Variants in OSBPL10 observed in about 807,000 individuals in gnomAD.
OSBPL10 encodes the protein oxysterol binding protein like 10.
Under a neutral mutation model 81.7 loss-of-function variants are expected in OSBPL10, and 49 were observed. The observed-to-expected ratio is 0.60, with a 90% CI of 0.48 to 0.76. The LOEUF (loss-of-function observed/expected upper bound fraction) is 0.76, where lower values mean the gene tolerates loss of function less well. Ranked by LOEUF, OSBPL10 falls within the 30% of genes least tolerant of loss-of-function variation. The probability of loss-of-function intolerance (pLI) is 0.00; values close to 1 mark genes in which losing one functional copy is unlikely to be tolerated. For missense variants in OSBPL10, 923 were observed against 987.8 expected (o/e 0.93, Z 0.88); for synonymous variants, 419 against 383.6 (o/e 1.09, Z -1.08).
intron 1 of OSBPL10, among the ~76,000 whole-genome samples, chr3:31,971,205 A>G (rs1698558546): frequency 7.1e-6 from 1 of 141,586 alleles, no homozygotes; most frequent in South Asian, 2.2e-4. Flanking sequence ...CAGTGGCACA[A>G]TCTTGGCTCA....
chr3:31,945,027 T>C (rs1460461864), intron 1 of OSBPL10, among the ~76,000 whole-genome samples: 1 of 151,222 alleles, frequency 6.6e-6, no homozygotes, highest in Non-Finnish European at 1.5e-5. Context: ...GGCACACATG[T>C]GTAGTCCCAG....
rs536893566 is a variant in OSBPL10 at position 31,873,428 on chromosome 3, G to A, written c.537+3005C>T. Among the ~76,000 whole-genome samples the A allele has an allele frequency of 1.2e-4, 19 of 152,236 alleles. No homozygotes were observed. The East Asian group carries it at 3.7e-3, about 29-fold the overall frequency. ...CTTCATCAGGTAGTGACTAAGGCAG[G>A]TCTGGGTTTTGAAACCACAGGCTGG... is the stretch of plus-strand genomic sequence containing the variant. On this transcript the variant is annotated intron_variant, in intron 3 of 11. Coordinates refer to ENST00000396556, the MANE Select transcript of OSBPL10 (RefSeq NM_017784.5).
In OSBPL10 at chr3:31,737,260, T is replaced by C. The variant is rs188522700; in HGVS notation, c.941-3849A>G. Among the ~76,000 whole-genome samples the C allele has an allele frequency of 1.2e-4, 19 of 152,256 alleles. No individual in the cohort carries two copies. In the East Asian group the frequency reaches 1.4e-3, roughly 11 times the overall value. ...GTGATCATGGGTTTAGGAGGCTGGA[T>C]AGAGCTGTCTCATTTGGAGACGAAG... On this transcript the variant is annotated intron_variant, in intron 5 of 11. Coordinates refer to ENST00000396556, the MANE Select transcript of OSBPL10 (RefSeq NM_017784.5).
At chr3:32,068,639 CT>C (rs1206410265) in intron 1 of OSBPL10, among the ~76,000 whole-genome samples, 1 of 152,096 alleles carries the variant, frequency 6.6e-6, no homozygotes, top group Non-Finnish European at 1.5e-5. Context: ...GAAAACGGCA[CT>C]TTTGATTTCT....
At chr3:31,760,686 T>A (rs970774208) in intron 4 of OSBPL10, among the ~76,000 whole-genome samples, 1 of 152,240 alleles carries the variant, frequency 6.6e-6, no homozygotes, top group Non-Finnish European at 1.5e-5. Flanking sequence ...ATGCCCTTTT[T>A]CAACTTTTTA....
At chr3:31,981,335 G>A (rs1431996989), upstream of OSBPL10, 5 of 1,215,138 alleles carry the variant, frequency 4.1e-6, no homozygotes, top group African/African-American at 6.4e-5. This position sits in a 1 kb window ranked among gnomAD's most constrained non-coding sequence, Gnocchi z 4.5. Context: ...GGAGGAGGAG[G>A]CGAAGGAGAG....
At chr3:31,847,332 G>A (rs998743780) in intron 3 of OSBPL10, among the ~76,000 whole-genome samples, 5 of 152,112 alleles carry the variant, frequency 3.3e-5, no homozygotes, top group Non-Finnish European at 7.3e-5. Flanking sequence ...AAGAAGCTGG[G>A]AGTACAGGCG....
At chr3:31,740,167 C>A (rs1367864922) in intron 5 of OSBPL10, among the ~76,000 whole-genome samples, 2 of 151,982 alleles carry the variant, frequency 1.3e-5, no homozygotes, top group Admixed American at 1.3e-4. Context: ...CCTCAGCCTC[C>A]CAAGTAGCTG....
intron 6 of OSBPL10, chr3:31,703,548 C>T (rs1328097733): frequency 6.6e-6 from 1 of 152,202 alleles, no homozygotes; most frequent in Non-Finnish European, 1.5e-5. Context: ...CTTATATCTA[C>T]AGGCACTTCT....
chr3:31,924,007 G>C (rs562637235), intron 1 of OSBPL10, among the ~76,000 whole-genome samples: 1 of 151,850 alleles, frequency 6.6e-6, no homozygotes, highest in South Asian at 2.1e-4. Context: ...TCAGAAGGTC[G>C]GGAGTTCAAG....
intron 2 of OSBPL10, among the ~76,000 whole-genome samples, chr3:32,014,356 C>G (rs1420422149): frequency 6.6e-6 from 1 of 152,198 alleles, no homozygotes; most frequent in Non-Finnish European, 1.5e-5. Context: ...ACATGATTAT[C>G]TCAATAGATG....
chr3:31,977,930 G>A (rs1254517922), intron 1 of OSBPL10, among the ~76,000 whole-genome samples: 1 of 152,186 alleles, frequency 6.6e-6, no homozygotes, highest in Non-Finnish European at 1.5e-5. Flanking sequence ...CCTGAGTTGA[G>A]CACGTTCCCA....
chr3:31,664,348 G>A lies in OSBPL10; in HGVS notation c.2097-116C>T, dbSNP rs537190149. The A allele has an allele frequency of 5.8e-6, 6 of 1,037,618 alleles. No homozygotes were observed. The East Asian group carries it at 1.5e-4, about 26-fold the overall frequency. The allele number at this position is 1,037,618 out of a possible 1,614,324, so 64.3% of individuals were successfully genotyped here. On this transcript the variant is annotated intron_variant, in intron 10 of 11. Coordinates refer to ENST00000396556, the MANE Select transcript of OSBPL10 (RefSeq NM_017784.5). ...GGCCGCCAGGCAAGCCCCCTCTGGG[G>A]TAGCTCATCCCAGATACCTCAAAGA...
intron 3 of OSBPL10, among the ~76,000 whole-genome samples, chr3:31,849,946 C>T (rs1700721600): frequency 6.6e-6 from 1 of 152,136 alleles, no homozygotes; most frequent in African/African-American, 2.4e-5. Flanking sequence ...AAGCGGATCA[C>T]CTGAGGTTGG....
chr3:31,992,414 T>TA lies in OSBPL10; in HGVS notation n.298+54076dup, dbSNP rs199542261. Among the ~76,000 whole-genome samples the TA allele has an allele frequency of 9.2e-3, 1,407 of 152,266 alleles. 26 individuals carry two copies. The highest frequency in any genetic ancestry group is 0.032 in the African/African-American group (1,327 of 41,544). On this transcript the variant is annotated intron_variant and non_coding_transcript_variant, in intron 2 of 3. Transcript: ENST00000479173. ...CAGTCAGAAGCCCAAAAATGGGTCT[T>TA]ACATGGTAAAATCAAGGTATCAGTA...
chr3:31,907,100 C>G (rs1012846252), intron 1 of OSBPL10: 3 of 152,134 alleles, frequency 2.0e-5, no homozygotes, highest in African/African-American at 7.2e-5. Context: ...TACACAGATG[C>G]ACAGACCCAT....
At chr3:31,897,647 C>T (rs1696095047) in intron 1 of OSBPL10, among the ~76,000 whole-genome samples, 1 of 151,966 alleles carries the variant, frequency 6.6e-6, no homozygotes, top group Non-Finnish European at 1.5e-5. Context: ...AGAAAAAAGG[C>T]AGAAAACCTT....
chr3:31,829,544 A>G (rs1700182341), intron 4 of OSBPL10, among the ~76,000 whole-genome samples: 1 of 152,112 alleles, frequency 6.6e-6, no homozygotes, highest in Non-Finnish European at 1.5e-5. Context: ...GCTCTTAAAC[A>G]AGTCTTCTGA....
At chr3:32,035,797 T>G (rs1699512756) in intron 2 of OSBPL10, among the ~76,000 whole-genome samples, 1 of 152,136 alleles carries the variant, frequency 6.6e-6, no homozygotes, top group Admixed American at 6.6e-5. Context: ...GTTAAAATAT[T>G]ATGATATAAA....
Sources: allele counts gnomAD v4.1 joint callset (sites outside exome capture counted in the v4.1 genomes callset), GRCh38; gene constraint gnomAD v4.1.1; non-coding constraint Gnocchi (gnomAD v3.1); transcripts MANE v1.5; gene names NCBI Gene and HGNC (gene_info 2026-07-23, HGNC 2026-07-21).